VIT: variants seen among roughly 807,000 people sequenced by gnomAD.
VIT encodes vitrin.
In VIT, 99 loss-of-function variants were observed where a neutral mutation model predicts 78.0. That is an observed-to-expected ratio of 1.27 (90% confidence interval 1.08 to 1.50). The LOEUF (loss-of-function observed/expected upper bound fraction) is 1.50, where lower values mean the gene tolerates loss of function less well. Ranked by LOEUF, VIT falls within the 40% of genes most tolerant of loss-of-function variation. The probability of loss-of-function intolerance (pLI) is 0.00; values close to 1 mark genes in which losing one functional copy is unlikely to be tolerated. For synonymous variants in VIT, 374 were observed against 334.3 expected, an observed-to-expected ratio of 1.12 and a Z score of -1.29; for missense variants, 1,126 against 875.3, an observed-to-expected ratio of 1.29 and a Z score of -3.61.
chr2:36,805,308 GAAAAA>G (rs567911067), intron 13 of VIT, 125 bp from the exon 14 acceptor site: 24 of 585,172 alleles, frequency 4.1e-5, no homozygotes, highest in South Asian at 1.3e-4. Context: ...TGTCTCAAAG[GAAAAA>G]AAAAAAAAAA....
intron 2 of VIT, among the ~76,000 whole-genome samples, chr2:36,716,969 C>G (rs916672039): frequency 4.7e-5 from 7 of 148,030 alleles, no homozygotes; most frequent in African/African-American, 1.5e-4. Flanking sequence ...CTCTGCCTCC[C>G]AGGGTCAAGC....
chr2:36,799,305 C>G (rs1054548013), intron 12 of VIT, among the ~76,000 whole-genome samples: 2 of 152,208 alleles, frequency 1.3e-5, no homozygotes, highest in African/African-American at 4.8e-5. Context: ...TCCCGGTCCG[C>G]ATGGACTCAC....
At chr2:36,814,107 G>A in intron 15 of VIT, 76 bp from the exon 16 acceptor site, 1 of 1,543,720 alleles carries the variant, frequency 6.5e-7, no homozygotes. Context: ...GTGCCAACAG[G>A]GCCACAAGAA....
At chr2:36,725,468 G>T (rs1038425791) in intron 2 of VIT, among the ~76,000 whole-genome samples, 3 of 151,868 alleles carry the variant, frequency 2.0e-5, no homozygotes, top group African/African-American at 7.3e-5. Context: ...CTAGCTCTCT[G>T]GGGCCCCTTT....
intron 4 of VIT, among the ~76,000 whole-genome samples, chr2:36,746,432 C>T (rs987367087): frequency 6.6e-6 from 1 of 151,954 alleles, no homozygotes; most frequent in African/African-American, 2.4e-5. Context: ...CTATCTGGTC[C>T]AGGGCTTTTT....
At chr2:36,770,397 AC>A (rs1669675867) in intron 7 of VIT, among the ~76,000 whole-genome samples, 1 of 152,228 alleles carries the variant, frequency 6.6e-6, no homozygotes, top group South Asian at 2.1e-4. Context: ...AGCGGAAAGT[AC>A]ATAGCAGGAA....
chr2:36,774,427 C>T (rs974964), intron 8 of VIT: 877,527 of 888,726 alleles, frequency 0.99, 434,078 homozygotes, highest in East Asian at 1. Flanking sequence ...CAGGGTTTGA[C>T]GGTTTCCACA....
chr2:36,814,445 G>A lies in VIT; in HGVS notation c.*84G>A. ...CCCACCGCTTAATGGGGCACGCACGGTGCATCAAGTCTTGGGCAGGGCATG... is the reference window on the plus strand; with the variant it reads ...CCCACCGCTTAATGGGGCACGCACGATGCATCAAGTCTTGGGCAGGGCATG... On this transcript the variant is annotated 3_prime_UTR_variant, in exon 16 of 16. Transcript: ENST00000379242. The A allele has an allele frequency of 6.7e-7, 1 of 1,488,998 alleles. No individual in the cohort carries two copies. The highest frequency in any genetic ancestry group is 2.3e-5 in the East Asian group (1 of 43,520). The allele number at this position is 1,488,998 out of a possible 1,614,324, so 92.2% of individuals were successfully genotyped here. A position where few individuals can be genotyped will look rare whatever the true frequency, so the allele number is the denominator to read the frequency against.
intron 4 of VIT, among the ~76,000 whole-genome samples, chr2:36,751,103 C>CA (rs1052023190): frequency 6.6e-6 from 1 of 151,786 alleles, no homozygotes; most frequent in Non-Finnish European, 1.5e-5. Context: ...CTACTAAATA[C>CA]AAAAAAATTT....
At chr2:36,708,352 T>C (rs187936549) in intron 1 of VIT, among the ~76,000 whole-genome samples, 1 of 152,314 alleles carries the variant, frequency 6.6e-6, no homozygotes, top group East Asian at 1.9e-4. Context: ...TTCTACCTCA[T>C]GGACAAAGAG....
rs908069435 is a variant in VIT at position 36,773,466 on chromosome 2, C to T, written c.680-325C>T. On this transcript the variant is annotated intron_variant, in intron 7 of 15. Coordinates refer to ENST00000379242, the MANE Select transcript of VIT (RefSeq NM_053276.4). ...AACAGTCAGGTTAAAATTTATTGGC[C>T]GGGTGTGGTGGCTCATGCCTTGGGA... Among the ~76,000 whole-genome samples, 5 of 152,068 alleles carry T rather than the reference C, an allele frequency of 3.3e-5. No individual in the cohort carries two copies. In the East Asian group the frequency reaches 5.8e-4, roughly 18 times the overall value.
chr2:36,709,787 G>A (rs1221474857), intron 1 of VIT, among the ~76,000 whole-genome samples: 1 of 152,156 alleles, frequency 6.6e-6, no homozygotes, highest in African/African-American at 2.4e-5. Context: ...CAAAAGAGAG[G>A]ATTACTCAGG....
At chr2:36,777,648 C>T (rs1186034999) in intron 9 of VIT, among the ~76,000 whole-genome samples, 6 of 152,110 alleles carry the variant, frequency 3.9e-5, no homozygotes, top group Non-Finnish European at 7.3e-5. Context: ...TATCATATAC[C>T]TCTGTAGAAG....
intron 1 of VIT, among the ~76,000 whole-genome samples, chr2:36,713,315 G>T (rs1322844530): frequency 6.6e-6 from 1 of 152,218 alleles, no homozygotes; most frequent in Non-Finnish European, 1.5e-5. Flanking sequence ...CAGAGACCCT[G>T]AGGTAAAAGG....
intron 3 of VIT, among the ~76,000 whole-genome samples, chr2:36,733,975 T>C (rs185701257): frequency 6.6e-6 from 1 of 152,336 alleles, no homozygotes; most frequent in Non-Finnish European, 1.5e-5. Flanking sequence ...AGCAGGGCTT[T>C]AAACAAATCA....
intron 1 of VIT, among the ~76,000 whole-genome samples, chr2:36,698,401 A>G (rs1019278671): frequency 2.6e-5 from 4 of 152,236 alleles, no homozygotes; most frequent in Admixed American, 1.3e-4. Context: ...TATGATTCCT[A>G]TAAGACACAT....
At chr2:36,803,801 T>C (rs1666503783) in intron 13 of VIT, among the ~76,000 whole-genome samples, 1 of 152,192 alleles carries the variant, frequency 6.6e-6, no homozygotes, top group Non-Finnish European at 1.5e-5. Flanking sequence ...AGAAGGTGCT[T>C]CTTAACTTTT....
At chr2:36,795,135 G>A (rs774440839) in intron 12 of VIT, among the ~76,000 whole-genome samples, 139 of 152,300 alleles carry the variant, frequency 9.1e-4, no homozygotes, top group Admixed American at 1.4e-3. Flanking sequence ...CTGTTCTCAA[G>A]TAGGTTACAG....
intron 15 of VIT, among the ~76,000 whole-genome samples, chr2:36,813,385 G>T (rs1667327443): frequency 6.6e-6 from 1 of 152,102 alleles, no homozygotes; most frequent in Non-Finnish European, 1.5e-5. Flanking sequence ...GGAAGCGGAG[G>T]TTGCAGTGAG....
Sources: allele counts gnomAD v4.1 joint callset (sites outside exome capture counted in the v4.1 genomes callset), GRCh38; gene constraint gnomAD v4.1.1; transcripts MANE v1.5; gene names NCBI Gene and HGNC (gene_info 2026-07-23, HGNC 2026-07-21).